The following TCF20 variants were observed in gnomAD, a reference collection of about 807,000 sequenced individuals.
TCF20 encodes the protein transcription factor 20, also known as SPRE-binding protein.
A neutral mutation model predicts 148.6 loss-of-function variants in TCF20; 3 were observed. That is an observed-to-expected ratio of 0.02 (90% CI 0.01 to 0.05). TCF20 has a LOEUF of 0.05. TCF20 is among the 10% of genes least tolerant of loss of function. The pLI is 1.00. For synonymous variants in TCF20, 1,049 were observed against 909.5 expected (o/e 1.15, Z -2.76); for missense variants, 2,350 against 2,429.3 (o/e 0.97, Z 0.69).
intron 1 of TCF20, among the ~76,000 whole-genome samples, chr22:42,222,218 G>C (rs1054811982): frequency 3.3e-5 from 5 of 152,128 alleles, no homozygotes; most frequent in African/African-American, 7.2e-5. Context: ...AGATAAGGTT[G>C]TTCTTCCTCA....
intron 1 of TCF20, among the ~76,000 whole-genome samples, chr22:42,321,303 C>T (rs1295733526): frequency 6.6e-6 from 1 of 152,182 alleles, no homozygotes; most frequent in Non-Finnish European, 1.5e-5. Context: ...CTGGGGAACA[C>T]AAGGGTGGCT....
intron 3 of TCF20, among the ~76,000 whole-genome samples, chr22:42,171,860 G>A (rs1352190731): frequency 2.6e-5 from 4 of 152,218 alleles, no homozygotes; most frequent in Admixed American, 6.5e-5. Context: ...GTTTATACCA[G>A]TGAGGACAGG....
chr22:42,323,450 G>A (rs73886042), intron 1 of TCF20, among the ~76,000 whole-genome samples: 3,793 of 151,836 alleles, frequency 0.025, 180 homozygotes, highest in African/African-American at 0.089. Flanking sequence ...GGGGGCACCT[G>A]TCAGCTGAGG....
intron 1 of TCF20, among the ~76,000 whole-genome samples, chr22:42,333,606 A>G (rs1928015906): frequency 6.6e-6 from 1 of 152,234 alleles, no homozygotes; most frequent in Non-Finnish European, 1.5e-5. Context: ...TAAAGGTGTA[A>G]AAACCCTCAT....
intron 1 of TCF20, chr22:42,276,395 G>C (rs1257304879): frequency 6.6e-6 from 1 of 152,216 alleles, no homozygotes; most frequent in Non-Finnish European, 1.5e-5. Context: ...GAAGATGCTC[G>C]AAGGTGCACA....
chr22:42,315,881 AG>A (rs1041800487), intron 1 of TCF20, among the ~76,000 whole-genome samples: 5 of 152,120 alleles, frequency 3.3e-5, no homozygotes, highest in African/African-American at 1.2e-4. Context: ...TGGGAGGCCG[AG>A]GTGGGTGGAT....
In TCF20 at chr22:42,212,232, C is replaced by T. The variant is rs183460312; in HGVS notation, c.3074G>A (p.Gly1025Asp). 6.2e-7 allele frequency: 1 copy of T among 1,614,188 alleles called. No homozygotes were observed. The highest frequency in any genetic ancestry group is 8.5e-7 in the Non-Finnish European group (1 of 1,180,036). Residue 1025 changes from glycine (G) to aspartate (D), a missense_variant, in exon 2 of 6, where the codon GGC (glycine) becomes GAC (aspartate). Coordinates refer to ENST00000677622, the MANE Select transcript of TCF20 (RefSeq NM_001378418.1). ...KLKMSPGRSR[G>D]PGGDPHHMNP... is the part of the protein sequence containing the mutation. Reference sequence around the variant, plus strand: ...CATGTGATGAGGGTCTCCCCCTGGGCCTCTGCTCCGCCCAGGAGACATTTT... The same window carrying T: ...CATGTGATGAGGGTCTCCCCCTGGGTCTCTGCTCCGCCCAGGAGACATTTT...
chr22:42,291,450 C>T (rs535131164), intron 1 of TCF20, among the ~76,000 whole-genome samples: 2 of 152,240 alleles, frequency 1.3e-5, no homozygotes, highest in South Asian at 2.1e-4. Context: ...GTCCTGAGCC[C>T]GCTGGAGGTC....
chr22:42,219,478 A>G lies in TCF20; in HGVS notation c.-36-4137T>C, dbSNP rs188225780. 3.3e-3 allele frequency among the ~76,000 whole-genome samples: 499 copies of G among 151,970 alleles called. 4 individuals are homozygous for G. Among genetic ancestry groups the G allele is most frequent in the African/African-American group, 0.012 (486 of 41,462 alleles). ...TGTGATTAGTAATAATAAGTGCCTG[A>G]ATTCCTTTGTTTAAATGAATACAAA... On this transcript the variant is annotated intron_variant, in intron 1 of 5. Transcript: ENST00000677622.
chr22:42,222,180 G>A (rs925082660), intron 1 of TCF20, among the ~76,000 whole-genome samples: 3 of 152,222 alleles, frequency 2.0e-5, no homozygotes, highest in Non-Finnish European at 4.4e-5. Flanking sequence ...TTATTATTAG[G>A]CAGTAACTAA....
rs142237336 is a variant in TCF20, at chr22:42,210,986, G to A, written c.4320C>T (p.Ser1440=). The change falls in exon 2 of 6, where the codon AGC becomes AGT. Residue 1440 remains serine, a synonymous_variant. Transcript: ENST00000677622. This position sits in a 1 kb window ranked among gnomAD's most constrained non-coding sequence, Gnocchi z 4.7. Reference sequence around the variant, plus strand: ...TCTCTGTCTTCACTTTGTCATCCACGCTGCCACGCCACTCTTCTGAAGACC... The same window carrying A: ...TCTCTGTCTTCACTTTGTCATCCACACTGCCACGCCACTCTTCTGAAGACC... ...LPRSSEEWRG[S]VDDKVKTETH... is the part of the protein sequence containing the mutation. The A allele has an allele frequency of 3.5e-4, 565 of 1,614,030 alleles. 5 individuals are homozygous for A. The highest frequency in any genetic ancestry group is 3.1e-4 in the South Asian group (28 of 91,090).
At chr22:42,164,700 AGGAT>A (rs1935673733) in intron 5 of TCF20, among the ~76,000 whole-genome samples, 1 of 152,188 alleles carries the variant, frequency 6.6e-6, no homozygotes, top group Non-Finnish European at 1.5e-5. Flanking sequence ...TGGTGATGCT[AGGAT>A]GGCTGCAAGC....
In TCF20 at chr22:42,299,516, G is replaced by C. The variant is rs921004114; in HGVS notation, c.-37+43963C>G. Among the ~76,000 whole-genome samples, 4 of 152,334 alleles carry C rather than the reference G, an allele frequency of 2.6e-5. No homozygotes were observed. Among genetic ancestry groups the C allele is most frequent in the East Asian group, 1.9e-4 (1 of 5,172 alleles). ...CTCATGAACAGAACATGCTGGCAGTGGTGGGTCACCCAGGAACCCCGAGGA... is the reference window on the plus strand; with the variant it reads ...CTCATGAACAGAACATGCTGGCAGTCGTGGGTCACCCAGGAACCCCGAGGA... On this transcript the variant is annotated intron_variant, in intron 1 of 1. Coordinates refer to the TCF20 transcript ENST00000515426. This position sits in a 1 kb window ranked among gnomAD's most constrained non-coding sequence, Gnocchi z 4.1.
At chr22:42,174,787 G>A (rs554084301) in intron 3 of TCF20, among the ~76,000 whole-genome samples, 1 of 151,700 alleles carries the variant, frequency 6.6e-6, no homozygotes, top group East Asian at 1.9e-4. Flanking sequence ...TGTAATCCCA[G>A]CACTTTGGGG....
intron 2 of TCF20, among the ~76,000 whole-genome samples, chr22:42,181,553 C>G (rs1936773815): frequency 6.6e-6 from 1 of 150,378 alleles, no homozygotes; most frequent in African/African-American, 2.4e-5. Flanking sequence ...GTAGGAAAGT[C>G]TGCAGGAAAA....
chr22:42,212,788 G>A lies in TCF20; in HGVS notation c.2518C>T (p.Pro840Ser), dbSNP rs1921140611. 1.2e-6 allele frequency: 2 copies of A among 1,614,226 alleles called. No individual in the cohort carries two copies. The highest frequency in any genetic ancestry group is 1.7e-6 in the Non-Finnish European group (2 of 1,180,038). Residue 840 changes from proline to serine, a missense_variant, in exon 2 of 6, where the codon CCA becomes TCA. Pro to Ser is a moderately conservative substitution (Grantham distance 74, BLOSUM62 -1). Coordinates refer to ENST00000677622, the MANE Select transcript of TCF20 (RefSeq NM_001378418.1). ...EMKQINLTDY[P>S]IPRKFEIEPQ... is the part of the protein sequence containing the mutation. ...TCTATTTCAAACTTTCTGGGAATTG[G>A]ATAGTCAGTCAAATTGATCTGTTTC...
At chr22:42,241,662 A>AC (rs1364044312) in intron 1 of TCF20, among the ~76,000 whole-genome samples, 2 of 152,074 alleles carry the variant, frequency 1.3e-5, no homozygotes, top group Non-Finnish European at 2.9e-5. Flanking sequence ...CTCCATCTCT[A>AC]CTAAAAGTAC....
rs1329634818 is a variant in TCF20, at chr22:42,279,102, C to T, written c.-37+4725G>A. The stretch of plus-strand genomic sequence containing the variant: ...CTTCTTCACAAGTTTTGTGTCTCCC[C>T]AGCCTCCTCCCCTAGGGCTCTCTAG... On this transcript the variant is annotated intron_variant, in intron 1 of 5. Coordinates refer to the TCF20 transcript ENST00000359486. This position sits in a 1 kb window ranked among gnomAD's most constrained non-coding sequence, Gnocchi z 4.3. Among the ~76,000 whole-genome samples the T allele has an allele frequency of 2.6e-5, 4 of 152,198 alleles. No homozygotes were observed. Among genetic ancestry groups the T allele is most frequent in the Admixed American group, 2.0e-4 (3 of 15,290 alleles).
chr22:42,249,678 G>A (rs150126486), intron 1 of TCF20, among the ~76,000 whole-genome samples: 2 of 152,324 alleles, frequency 1.3e-5, no homozygotes, highest in African/African-American at 4.8e-5. Context: ...TAAAACTGGA[G>A]CAAGTGCTTT....
Sources: allele counts gnomAD v4.1 joint callset (sites outside exome capture counted in the v4.1 genomes callset), GRCh38; gene constraint gnomAD v4.1.1; non-coding constraint Gnocchi (gnomAD v3.1); transcripts MANE v1.5; gene names NCBI Gene and HGNC (gene_info 2026-07-23, HGNC 2026-07-21).